The following PABPC4L variants were observed in gnomAD, a reference collection of about 807,000 sequenced individuals.
PABPC4L encodes the protein polyadenylate-binding protein 4-like.
For synonymous variants in PABPC4L, 169 were observed against 164.1 expected, an observed-to-expected ratio of 1.03 and a Z score of -0.23; for missense variants, 452 against 451.4, an observed-to-expected ratio of 1.00 and a Z score of -0.01.
At chr4:134,127,606 G>A in the PABPC4L span, among the ~76,000 whole-genome samples, 5 of 152,172 alleles carry the variant, frequency 3.3e-5, no homozygotes, top group South Asian at 1.0e-3. Context: ...AAAAGGTAGA[G>A]GACTGCATTT....
At chr4:134,195,297 A>G (rs533142758), downstream of PABPC4L, among the ~76,000 whole-genome samples, 1 of 151,880 alleles carries the variant, frequency 6.6e-6, no homozygotes, top group East Asian at 1.9e-4. Flanking sequence ...TGCCACTAGC[A>G]CATGTACAAA....
chr4:134,038,475 A>G, the PABPC4L span, among the ~76,000 whole-genome samples: 3 of 152,194 alleles, frequency 2.0e-5, no homozygotes, highest in African/African-American at 4.8e-5. Context: ...TTGGTAGGCT[A>G]TTAATTATTG....
At chr4:134,068,646 C>T in the PABPC4L span, among the ~76,000 whole-genome samples, 1 of 151,882 alleles carries the variant, frequency 6.6e-6, no homozygotes, top group African/African-American at 2.4e-5. Context: ...TTTGTGGTGG[C>T]TATTAGGTGT....
chr4:133,972,070 ACTT>A, the PABPC4L span, among the ~76,000 whole-genome samples: 1 of 152,176 alleles, frequency 6.6e-6, no homozygotes, highest in Non-Finnish European at 1.5e-5. Flanking sequence ...TGAAAAGTAG[ACTT>A]GTCCAGGACT....
At chr4:134,176,435 G>A in the PABPC4L span, among the ~76,000 whole-genome samples, 7 of 151,992 alleles carry the variant, frequency 4.6e-5, no homozygotes, top group Non-Finnish European at 8.8e-5. Flanking sequence ...CGCAGGAGTT[G>A]GAGACCAGCC....
At chr4:133,993,780 G>T in the PABPC4L span, among the ~76,000 whole-genome samples, 1 of 152,306 alleles carries the variant, frequency 6.6e-6, no homozygotes, top group South Asian at 2.1e-4. Flanking sequence ...AAGTCGGCTT[G>T]ATTATTGCCA....
chr4:134,156,441 C>T, the PABPC4L span, among the ~76,000 whole-genome samples: 130 of 151,942 alleles, frequency 8.6e-4, 1 homozygote, highest in African/African-American at 3.1e-3. Context: ...TTGATTAGCT[C>T]TCCAAGGATA....
intron 1 of PABPC4L, 114 bp from the exon 2 acceptor site, chr4:134,201,359 T>C (rs1355940397): frequency 1.7e-6 from 2 of 1,151,818 alleles, no homozygotes; most frequent in Non-Finnish European, 2.2e-6. Context: ...ACAGACGCCC[T>C]GGTCGCTGGT....
the PABPC4L span, among the ~76,000 whole-genome samples, chr4:134,187,945 G>T: frequency 6.6e-6 from 1 of 151,996 alleles, no homozygotes; most frequent in Non-Finnish European, 1.5e-5. Flanking sequence ...CATTAATATA[G>T]ATGATGTTTT....
chr4:133,958,921 C>T, the PABPC4L span, among the ~76,000 whole-genome samples: 1 of 152,114 alleles, frequency 6.6e-6, no homozygotes, highest in African/African-American at 2.4e-5. Flanking sequence ...ACAAACAGAC[C>T]TTGCTAAGTT....
At chr4:134,152,386 G>C in the PABPC4L span, among the ~76,000 whole-genome samples, 5 of 152,062 alleles carry the variant, frequency 3.3e-5, no homozygotes, top group Non-Finnish European at 5.9e-5. Flanking sequence ...TAAATATATG[G>C]AAAAATTGAC....
At chr4:133,974,964 C>T in the PABPC4L span, among the ~76,000 whole-genome samples, 42 of 152,058 alleles carry the variant, frequency 2.8e-4, no homozygotes, top group Admixed American at 2.7e-3. Flanking sequence ...TTAACATAGA[C>T]TTATCATATG....
chr4:134,155,280 T>C, the PABPC4L span, among the ~76,000 whole-genome samples: 72 of 152,064 alleles, frequency 4.7e-4, no homozygotes, highest in Non-Finnish European at 7.7e-4. Context: ...TTCAAGTCAT[T>C]TGTCTATTAC....
the PABPC4L span, among the ~76,000 whole-genome samples, chr4:134,056,446 T>C: frequency 1.3e-5 from 2 of 151,996 alleles, no homozygotes; most frequent in Non-Finnish European, 2.9e-5. Flanking sequence ...AATTTTGCCA[T>C]GTTGAGTCTT....
the PABPC4L span, among the ~76,000 whole-genome samples, chr4:134,111,670 C>T: frequency 1.3e-5 from 2 of 151,882 alleles, no homozygotes; most frequent in African/African-American, 2.4e-5. Flanking sequence ...GTGCTATTCT[C>T]GTGATCGTTA....
the PABPC4L span, among the ~76,000 whole-genome samples, chr4:134,069,078 C>T: frequency 2.1e-4 from 32 of 152,050 alleles, no homozygotes; most frequent in Admixed American, 8.5e-4. Context: ...ATCTCTCCTT[C>T]GCTTATGAAG....
the PABPC4L span, among the ~76,000 whole-genome samples, chr4:134,184,708 G>C: frequency 6.6e-6 from 1 of 151,746 alleles, no homozygotes; most frequent in South Asian, 2.1e-4. Flanking sequence ...TAGATACCAA[G>C]GATTGTGATT....
At chr4:134,123,205 A>C in the PABPC4L span, among the ~76,000 whole-genome samples, 14 of 152,028 alleles carry the variant, frequency 9.2e-5, no homozygotes, top group Admixed American at 6.6e-4. Context: ...ACTATCACTC[A>C]TGCCTGAATT....
chr4:134,054,601 C>G, the PABPC4L span, among the ~76,000 whole-genome samples: 1 of 151,918 alleles, frequency 6.6e-6, no homozygotes, highest in Middle Eastern at 3.4e-3. Context: ...TTGTCAACTT[C>G]AAAAATGTTA....
Sources: allele counts gnomAD v4.1 joint callset (sites outside exome capture counted in the v4.1 genomes callset), GRCh38; gene constraint gnomAD v4.1.1; transcripts MANE v1.5; gene names NCBI Gene and HGNC (gene_info 2026-07-23, HGNC 2026-07-21).